The following UIMC1 variants were observed in gnomAD, a reference collection of about 807,000 sequenced individuals.
The protein encoded by UIMC1 is BRCA1-A complex subunit RAP80.
Under a neutral mutation model 84.9 loss-of-function variants are expected in UIMC1, and 42 were observed. The ratio of observed to expected loss-of-function variants is 0.49; its 90% CI spans 0.39 to 0.64. The LOEUF is 0.64. Ranked by LOEUF, UIMC1 falls within the 30% of genes least tolerant of loss-of-function variation. The pLI, the probability that UIMC1 is intolerant of heterozygous loss-of-function variation, is 0.00. For synonymous variants in UIMC1, 281 were observed against 293.0 expected, an observed-to-expected ratio of 0.96 and a Z score of 0.42; for missense variants, 825 against 847.6, an observed-to-expected ratio of 0.97 and a Z score of 0.33.
At chr5:176,954,440 T>C (rs923073325) in intron 8 of UIMC1, among the ~76,000 whole-genome samples, 10 of 152,042 alleles carry the variant, frequency 6.6e-5, no homozygotes, top group Non-Finnish European at 1.5e-4. Context: ...CCACTTTCAA[T>C]AAAAACCAAC....
At chr5:176,923,043 A>G (rs1761900345) in intron 10 of UIMC1, among the ~76,000 whole-genome samples, 1 of 152,240 alleles carries the variant, frequency 6.6e-6, no homozygotes, top group Non-Finnish European at 1.5e-5. Context: ...ATAGGCTTCA[A>G]GCCCCTAAGC....
At chr5:176,933,784 C>T (rs1482804275) in intron 10 of UIMC1, among the ~76,000 whole-genome samples, 1 of 152,080 alleles carries the variant, frequency 6.6e-6, no homozygotes, top group Non-Finnish European at 1.5e-5. Context: ...GATCCTCCCA[C>T]CTCAGCGTCC....
intron 10 of UIMC1, among the ~76,000 whole-genome samples, chr5:176,913,675 ATCT>A (rs1238938152): frequency 6.6e-6 from 1 of 152,208 alleles, no homozygotes; most frequent in Admixed American, 6.5e-5. Context: ...CTCCCAAATT[ATCT>A]TCAAATAAAA....
At chr5:176,958,919 G>A (rs1005789922) in intron 6 of UIMC1, among the ~76,000 whole-genome samples, 2 of 152,240 alleles carry the variant, frequency 1.3e-5, no homozygotes, top group African/African-American at 4.8e-5. Flanking sequence ...GACTTCTGAG[G>A]AAGTGCCTGG....
chr5:176,957,690 G>A (rs1766773077), intron 7 of UIMC1, among the ~76,000 whole-genome samples: 1 of 152,128 alleles, frequency 6.6e-6, no homozygotes, highest in South Asian at 2.1e-4. Flanking sequence ...GATAAAATAA[G>A]CATAAGCAGA....
chr5:176,975,864 T>C (rs1769977818), intron 2 of UIMC1, among the ~76,000 whole-genome samples: 1 of 151,860 alleles, frequency 6.6e-6, no homozygotes, highest in Non-Finnish European at 1.5e-5. Context: ...GGACAATGGA[T>C]AGTAAAGGAA....
intron 10 of UIMC1, among the ~76,000 whole-genome samples, chr5:176,940,679 T>C (rs1764305845): frequency 6.6e-6 from 1 of 152,178 alleles, no homozygotes; most frequent in African/African-American, 2.4e-5. Context: ...TAGCCAGATT[T>C]AGGTCCTCAA....
chr5:176,912,651 T>G (rs1237985807), intron 10 of UIMC1, among the ~76,000 whole-genome samples: 1 of 151,472 alleles, frequency 6.6e-6, no homozygotes, highest in Non-Finnish European at 1.5e-5. Context: ...TTTTTATATT[T>G]GTATTTTTAA....
At chr5:176,920,233 G>T (rs554445042) in intron 10 of UIMC1, among the ~76,000 whole-genome samples, 1 of 151,768 alleles carries the variant, frequency 6.6e-6, no homozygotes, top group East Asian at 1.9e-4. Flanking sequence ...TCTCCACATT[G>T]GTAAGGCTAG....
chr5:176,918,106 C>T (rs1490439260), intron 10 of UIMC1, among the ~76,000 whole-genome samples: 1 of 152,248 alleles, frequency 6.6e-6, no homozygotes, highest in East Asian at 1.9e-4. Context: ...GCTGTTCTTT[C>T]ATGAGATTAA....
intron 2 of UIMC1, among the ~76,000 whole-genome samples, chr5:176,978,163 A>ATCAC (rs1240116167): frequency 6.6e-6 from 1 of 152,012 alleles, no homozygotes; most frequent in African/African-American, 2.4e-5. Flanking sequence ...CGAGGTCAGG[A>ATCAC]GATCGAGACC....
chr5:176,987,432 G>C (rs1229946729), intron 1 of UIMC1, among the ~76,000 whole-genome samples: 1 of 151,928 alleles, frequency 6.6e-6, no homozygotes, highest in African/African-American at 2.4e-5. Context: ...TATCACTCGA[G>C]GTGAGGAGTT....
chr5:176,942,131 C>T (rs559445696), intron 10 of UIMC1, among the ~76,000 whole-genome samples: 1 of 152,162 alleles, frequency 6.6e-6, no homozygotes, highest in South Asian at 2.1e-4. Flanking sequence ...TGAACCACCG[C>T]GCCCAGCCTC....
At chr5:176,995,689 A>G (rs986195029) in intron 1 of UIMC1, among the ~76,000 whole-genome samples, 2 of 151,820 alleles carry the variant, frequency 1.3e-5, no homozygotes, top group African/African-American at 4.8e-5. Flanking sequence ...TACAAACACA[A>G]AAAATTAGCC....
chr5:176,917,063 A>G (rs991479450), intron 10 of UIMC1, among the ~76,000 whole-genome samples: 7 of 152,230 alleles, frequency 4.6e-5, no homozygotes, highest in African/African-American at 1.7e-4. Flanking sequence ...TGTCTCCCTC[A>G]ACCTCAAAAC....
intron 6 of UIMC1, among the ~76,000 whole-genome samples, chr5:176,967,266 C>T (rs902359375): frequency 6.6e-6 from 1 of 151,288 alleles, no homozygotes; most frequent in Non-Finnish European, 1.5e-5. Context: ...TCTGACTAAT[C>T]CACACATGGT....
At position 176,915,404 on chromosome 5, in the gene UIMC1, T is replaced by C. The variant is rs185337022; in HGVS notation, c.1598-4015A>G. Among the ~76,000 whole-genome samples the C allele has an allele frequency of 5.9e-3, 900 of 152,226 alleles. 6 individuals are homozygous for C. The highest frequency in any genetic ancestry group is 8.3e-3 in the Non-Finnish European group (565 of 68,002). On this transcript the variant is annotated intron_variant, in intron 10 of 14. Coordinates refer to ENST00000511320, the MANE Select transcript of UIMC1 (RefSeq NM_001199298.2). ...GCCAGAGACTTTATAAACATCTTTA[T>C]CTTTACAACAACCCTACAAAGAATA...
At chr5:176,945,600 G>T (rs1561796520) in intron 9 of UIMC1, among the ~76,000 whole-genome samples, 1 of 152,176 alleles carries the variant, frequency 6.6e-6, no homozygotes, top group Non-Finnish European at 1.5e-5. Flanking sequence ...CCCAGAAAAA[G>T]ATGTTCATAG....
chr5:177,018,793 C>T (rs1775726808), intron 1 of UIMC1, among the ~76,000 whole-genome samples: 1 of 152,152 alleles, frequency 6.6e-6, no homozygotes, highest in Non-Finnish European at 1.5e-5. Context: ...AGGGGATGAA[C>T]CCTGACAGCA....
Sources: gnomAD v4.1 joint callset for allele counts (sites outside exome capture counted in the v4.1 genomes callset) on GRCh38, gnomAD v4.1.1 for gene constraint, MANE v1.5 for transcripts, NCBI Gene and HGNC (gene_info 2026-07-23, HGNC 2026-07-21) for gene names.